The following SLC13A4 variants were observed in gnomAD, a reference collection of about 807,000 sequenced individuals.
SLC13A4 encodes Na(+)/sulfate cotransporter SUT-1.
SLC13A4 carries 28 observed loss-of-function variants against 72.7 expected under a neutral mutation model. The ratio of observed to expected loss-of-function variants is 0.39; its 90% CI spans 0.29 to 0.53. SLC13A4 has a LOEUF of 0.53. Ranked by LOEUF, SLC13A4 falls within the 20% of genes least tolerant of loss-of-function variation. The pLI is 0.78. For synonymous variants in SLC13A4, 312 were observed against 325.5 expected, an observed-to-expected ratio of 0.96 and a Z score of 0.45; for missense variants, 653 against 788.0, an observed-to-expected ratio of 0.83 and a Z score of 2.05.
intron 1 of SLC13A4, 106 bp from the exon 2 acceptor site, chr7:135,721,629 G>C: frequency 3.5e-6 from 5 of 1,439,994 alleles, no homozygotes; most frequent in Non-Finnish European, 4.8e-6. Context: ...TGTAACGCGG[G>C]TACTAGGATA....
chr7:135,681,701 C>A lies in SLC13A4; in HGVS notation c.1747-1G>T. On this transcript the variant is annotated splice_acceptor_variant, in intron 15 of 15. Coordinates refer to ENST00000682651, the MANE Select transcript of SLC13A4 (RefSeq NM_001318192.2). LOFTEE classifies it high-confidence loss of function. ...CGTTGACTCCCAGGCCAGCTTTCAC[C>A]TGCAGGACACAAACCAGCACACCCT... is the stretch of plus-strand genomic sequence containing the variant. 6.2e-7 allele frequency: 1 copy of A among 1,612,540 alleles called. No individual in the cohort carries two copies. The highest frequency in any genetic ancestry group is 8.5e-7 in the Non-Finnish European group (1 of 1,179,140).
At chr7:135,682,719 G>A (rs1337093103) in intron 15 of SLC13A4, among the ~76,000 whole-genome samples, 2 of 152,206 alleles carry the variant, frequency 1.3e-5, no homozygotes, top group African/African-American at 4.8e-5. Context: ...GGAAATTGAA[G>A]TCAAGGTAGT....
chr7:135,724,786 TAC>T (rs1480269284), intron 1 of SLC13A4, among the ~76,000 whole-genome samples: 1 of 152,176 alleles, frequency 6.6e-6, no homozygotes, highest in Non-Finnish European at 1.5e-5. Flanking sequence ...AGTCTTTCCA[TAC>T]AGTTTCCACT....
chr7:135,696,024 A>G (rs1795897556), intron 8 of SLC13A4, among the ~76,000 whole-genome samples: 1 of 152,164 alleles, frequency 6.6e-6, no homozygotes, highest in Non-Finnish European at 1.5e-5. Context: ...GGGGATTTGT[A>G]TGGGGAACTG....
chr7:135,706,979 T>C (rs1013118583), intron 3 of SLC13A4, among the ~76,000 whole-genome samples: 1 of 152,232 alleles, frequency 6.6e-6, no homozygotes, highest in Non-Finnish European at 1.5e-5. Context: ...TGTACAGACA[T>C]GTCCTAGTTT....
At chr7:135,698,624 C>T (rs538381444) in intron 8 of SLC13A4, among the ~76,000 whole-genome samples, 63 of 142,700 alleles carry the variant, frequency 4.4e-4, no homozygotes, top group Admixed American at 1.6e-3. Context: ...TGTGAGCCAC[C>T]GTGCTGGGAC....
chr7:135,711,101 G>C (rs1422483861), intron 2 of SLC13A4, among the ~76,000 whole-genome samples: 3 of 152,180 alleles, frequency 2.0e-5, no homozygotes. Flanking sequence ...CTCACTGCCT[G>C]GTTACTTTCC....
At chr7:135,718,095 G>A (rs541558624) in intron 2 of SLC13A4, among the ~76,000 whole-genome samples, 122 of 83,028 alleles carry the variant, frequency 1.5e-3, no homozygotes, top group East Asian at 6.2e-3. Flanking sequence ...ACACGCGCGC[G>A]CGCGCACGCG....
chr7:135,698,869 G>A (rs912371884), intron 8 of SLC13A4, among the ~76,000 whole-genome samples: 3 of 151,984 alleles, frequency 2.0e-5, no homozygotes, highest in African/African-American at 7.3e-5. Flanking sequence ...TCCTGACCTC[G>A]TGATGCGCCT....
Position 135,699,499 on chromosome 7 carries a change from C to T in SLC13A4, c.764G>A (p.Arg255Lys). The T allele has an allele frequency of 6.2e-7, 1 of 1,611,708 alleles. No individual in the cohort carries two copies. Among genetic ancestry groups the T allele is most frequent in the Non-Finnish European group, 8.5e-7 (1 of 1,178,872 alleles). ...CTGGTCATGGTGGGACCTGTACTTT[C>T]TGTTCAGCTTCTGCTTCCTGGGGCT... ...TPSPRKQKLN[R>K]KYRSHHDQMI... Residue 255 changes from arginine to lysine, a missense_variant, in exon 8 of 16, where the codon AGA (arginine) becomes AAA (lysine). Transcript: ENST00000682651.
At chr7:135,714,470 G>A (rs1419839714) in intron 2 of SLC13A4, among the ~76,000 whole-genome samples, 1 of 152,202 alleles carries the variant, frequency 6.6e-6, no homozygotes, top group Non-Finnish European at 1.5e-5. Context: ...CATTAGCTTG[G>A]TCTCGAAAGG....
At chr7:135,708,280 C>T (rs367963851) in intron 2 of SLC13A4, 30 bp from the exon 3 acceptor site, 36 of 1,613,158 alleles carry the variant, frequency 2.2e-5, no homozygotes, top group Non-Finnish European at 3.1e-5. Flanking sequence ...GTCAGTCACC[C>T]TCCCGGACCA....
intron 8 of SLC13A4, among the ~76,000 whole-genome samples, chr7:135,698,008 CT>C (rs762674683): frequency 2.0e-5 from 3 of 152,030 alleles, no homozygotes; most frequent in African/African-American, 2.4e-5. Flanking sequence ...TGATTTCCCC[CT>C]TTTTTTCCTT....
At position 135,718,088 on chromosome 7, in the gene SLC13A4, C is replaced by CACACACACACACACACACACACACACGT. The variant is rs754511549; in HGVS notation, c.228+3306_228+3307insACGTGTGTGTGTGTGTGTGTGTGTGTGT. 1.0e-3 allele frequency among the ~76,000 whole-genome samples: 149 copies of CACACACACACACACACACACACACACGT among 149,658 alleles called. 2 individuals are homozygous for CACACACACACACACACACACACACACGT. The highest frequency in any genetic ancestry group is 3.4e-3 in the Middle Eastern group (1 of 292). The stretch of plus-strand genomic sequence containing the variant: ...CAATTCCTACACACACACACACACA[C>CACACACACACACACACACACACACACGT]GCGCGCGCGCGCACGCGTGCGCGCT... On this transcript the variant is annotated intron_variant, in intron 2 of 15. Transcript: ENST00000682651.
intron 2 of SLC13A4, among the ~76,000 whole-genome samples, chr7:135,711,962 G>GGTTTTTTTTTTTTTTTTTTTTTTT (rs1563167348): frequency 1.7e-5 from 1 of 59,614 alleles, no homozygotes; most frequent in African/African-American, 5.8e-5. Context: ...AATGTTTTTG[G>GGTTTTTTTTTTTTTTTTTTTTTTT]ATTTTTTTTT....
At chr7:135,726,313 C>G (rs747291838) in intron 1 of SLC13A4, among the ~76,000 whole-genome samples, 1 of 152,320 alleles carries the variant, frequency 6.6e-6, no homozygotes, top group Non-Finnish European at 1.5e-5. Flanking sequence ...TTTTAATCAG[C>G]GTCTCCCTGG....
At chr7:135,700,580 GT>G (rs1796010091) in intron 7 of SLC13A4, among the ~76,000 whole-genome samples, 1 of 152,214 alleles carries the variant, frequency 6.6e-6, no homozygotes, top group Non-Finnish European at 1.5e-5. Context: ...CTTTGGTCCA[GT>G]GGTTTTCCAC....
Position 135,681,575 on chromosome 7 carries a change from A to G in SLC13A4, c.1872T>C (p.Thr624=). ...YPAWARVSNI[T]DQA ...TGTACACTTGGCGTTAGGCTTGATC[A>G]GTGATGTTGCTGACCCTCGCCCATG... Residue 624 remains threonine, a synonymous_variant, in exon 16 of 16, where the codon ACT becomes ACC. Transcript: ENST00000682651. 1 of 1,613,776 alleles carries G rather than the reference A, an allele frequency of 6.2e-7. No individual in the cohort carries two copies. The highest frequency in any genetic ancestry group is 2.2e-5 in the East Asian group (1 of 44,878).
Position 135,681,631 on chromosome 7 carries a change from C to A in SLC13A4, c.1816G>T (p.Val606Phe), listed in dbSNP as rs768815484. 1.9e-5 allele frequency: 31 copies of A among 1,614,060 alleles called. No homozygotes were observed. In the South Asian group the frequency reaches 3.3e-4, roughly 17 times the overall value. The change falls in exon 16 of 16, where the codon GTT (valine) becomes TTT (phenylalanine). Residue 606 changes from valine to phenylalanine, a missense_variant. Transcript: ENST00000682651. Reference protein sequence around the residue: ...IVMVAINTWGVSLFHLDTYPA... With the variant: ...IVMVAINTWGFSLFHLDTYPA... ...TAAGTGTCCAGGTGGAAGAGGCTAACTCCCCAGGTGTTGATGGCCACCATT... is the reference window on the plus strand; with the variant it reads ...TAAGTGTCCAGGTGGAAGAGGCTAAATCCCCAGGTGTTGATGGCCACCATT...
Sources: allele counts gnomAD v4.1 joint callset (sites outside exome capture counted in the v4.1 genomes callset), GRCh38; gene constraint gnomAD v4.1.1; transcripts MANE v1.5; gene names NCBI Gene and HGNC (gene_info 2026-07-23, HGNC 2026-07-21).